SEPTIN10: variants seen among roughly 807,000 people sequenced by gnomAD.
The protein encoded by SEPTIN10 is septin-10.
SEPTIN10 carries 66 observed loss-of-function variants against 54.8 expected under a neutral mutation model. The ratio of observed to expected loss-of-function variants is 1.21; its 90% CI spans 0.99 to 1.48. The LOEUF is 1.48. Ranked by LOEUF, SEPTIN10 falls within the 40% of genes most tolerant of loss-of-function variation. SEPTIN10 has a pLI of 0.00. For synonymous variants in SEPTIN10, 161 were observed against 181.0 expected (o/e 0.89, Z 0.89); for missense variants, 620 against 545.6 (o/e 1.14, Z -1.36).
intron 8 of SEPTIN10, among the ~76,000 whole-genome samples, chr2:109,554,930 C>A (rs1684015510): frequency 6.6e-6 from 1 of 152,160 alleles, no homozygotes; most frequent in Non-Finnish European, 1.5e-5. Flanking sequence ...CTTACCCTAT[C>A]TCCCTATCTT....
intron 2 of SEPTIN10, among the ~76,000 whole-genome samples, chr2:109,587,913 C>CAA (rs59990177): frequency 3.0e-5 from 4 of 134,914 alleles, no homozygotes; most frequent in African/African-American, 1.1e-4. Context: ...ACTCCATCTC[C>CAA]AAAAAAAAAA....
chr2:109,582,853 G>C (rs1043177916), intron 4 of SEPTIN10, among the ~76,000 whole-genome samples: 1 of 152,292 alleles, frequency 6.6e-6, no homozygotes, highest in South Asian at 2.1e-4. Flanking sequence ...GAATAGAACA[G>C]AGAACCTAGA....
chr2:109,549,271 G>A (rs572843413), intron 9 of SEPTIN10, among the ~76,000 whole-genome samples: 63 of 152,310 alleles, frequency 4.1e-4, no homozygotes, highest in African/African-American at 1.4e-3. Context: ...CACATGACTA[G>A]AGATAGCTCT....
chr2:109,586,372 AGGAAACT>A (rs1692536388), intron 2 of SEPTIN10, among the ~76,000 whole-genome samples: 1 of 152,200 alleles, frequency 6.6e-6, no homozygotes, highest in African/African-American at 2.4e-5. Context: ...ACTTGAGGGA[AGGAAACT>A]TATCAGGTGA....
At chr2:109,551,792 T>G (rs1480206641) in intron 9 of SEPTIN10, among the ~76,000 whole-genome samples, 4 of 152,198 alleles carry the variant, frequency 2.6e-5, no homozygotes, top group African/African-American at 9.7e-5. Context: ...GATTACAGAT[T>G]AACTCTTCAA....
intron 8 of SEPTIN10, among the ~76,000 whole-genome samples, chr2:109,558,211 T>C (rs954952556): frequency 6.6e-6 from 1 of 152,212 alleles, no homozygotes; most frequent in Non-Finnish European, 1.5e-5. Context: ...AGAAAAGTCC[T>C]TTCCTTCAAT....
intron 4 of SEPTIN10, among the ~76,000 whole-genome samples, chr2:109,584,597 A>G (rs1210570862): frequency 1.3e-5 from 2 of 152,074 alleles, no homozygotes; most frequent in African/African-American, 4.8e-5. Context: ...TAGAATCTCT[A>G]CTCAATCTTT....
At chr2:109,593,140 CT>C in intron 1 of SEPTIN10, 21 bp from the exon 2 acceptor site, 1 of 1,555,876 alleles carries the variant, frequency 6.4e-7, no homozygotes, top group Non-Finnish European at 8.7e-7. Flanking sequence ...AATACAAAGG[CT>C]TAAAAGGAAA....
chr2:109,570,843 T>C (rs768017479), intron 5 of SEPTIN10, among the ~76,000 whole-genome samples: 9 of 152,170 alleles, frequency 5.9e-5, no homozygotes, highest in South Asian at 2.1e-4. Flanking sequence ...TTATAATGTG[T>C]AATCTAGAGA....
chr2:109,554,259 T>C (rs926493007), intron 8 of SEPTIN10, among the ~76,000 whole-genome samples: 5 of 152,204 alleles, frequency 3.3e-5, no homozygotes, highest in Non-Finnish European at 5.9e-5. Flanking sequence ...CCTACCACGA[T>C]GTAATTCAAA....
At chr2:109,545,495 C>T (rs72824784) in intron 10 of SEPTIN10, 50,598 of 1,536,130 alleles carry the variant, frequency 0.033, 965 homozygotes, top group Non-Finnish European at 0.038. Flanking sequence ...ATTGGTTTCA[C>T]AAGCTCTGAC....
intron 1 of SEPTIN10, among the ~76,000 whole-genome samples, chr2:109,599,519 C>A (rs1696143344): frequency 6.6e-6 from 1 of 151,500 alleles, no homozygotes; most frequent in Non-Finnish European, 1.5e-5. Flanking sequence ...GATAAGGCAG[C>A]AGCAAGTTGG....
chr2:109,575,140 T>C (rs1689380136), intron 4 of SEPTIN10, among the ~76,000 whole-genome samples: 1 of 152,234 alleles, frequency 6.6e-6, no homozygotes, highest in Non-Finnish European at 1.5e-5. Flanking sequence ...GTATTGAATT[T>C]ACACTGATTC....
chr2:109,546,266 T>C (rs1297931511), intron 9 of SEPTIN10, 29 bp from the exon 10 acceptor site: 15 of 1,463,872 alleles, frequency 1.0e-5, no homozygotes, highest in African/African-American at 1.4e-5. Flanking sequence ...TCCCCACTAC[T>C]GACACAGCGC....
chr2:109,545,687 A>G (rs1384664044), intron 10 of SEPTIN10: 1 of 1,464,194 alleles, frequency 6.8e-7, no homozygotes, highest in East Asian at 2.5e-5. Flanking sequence ...ATGAAATTCA[A>G]AATAACTCAT....
intron 1 of SEPTIN10, among the ~76,000 whole-genome samples, chr2:109,593,453 T>C (rs1694575126): frequency 7.1e-6 from 1 of 140,786 alleles, no homozygotes; most frequent in African/African-American, 2.7e-5. Context: ...TCACCCAGAC[T>C]GGAGTGCAAT....
At chr2:109,560,687 C>T (rs999656854) in intron 8 of SEPTIN10, among the ~76,000 whole-genome samples, 6 of 152,182 alleles carry the variant, frequency 3.9e-5, no homozygotes, top group Non-Finnish European at 7.3e-5. Flanking sequence ...ACTGTGACCT[C>T]CATTGTGCCT....
At chr2:109,548,736 A>AT (rs568197258) in intron 9 of SEPTIN10, among the ~76,000 whole-genome samples, 13 of 127,076 alleles carry the variant, frequency 1.0e-4, no homozygotes, top group Non-Finnish European at 2.1e-4. Flanking sequence ...AGATAGCGCC[A>AT]TTGCACTCCA....
chr2:109,587,144 A>G (rs1172811641), intron 2 of SEPTIN10, among the ~76,000 whole-genome samples: 1 of 152,208 alleles, frequency 6.6e-6, no homozygotes, highest in African/African-American at 2.4e-5. Flanking sequence ...AGATGGATAT[A>G]ATGGGTGGCA....
Sources: allele counts gnomAD v4.1 joint callset (sites outside exome capture counted in the v4.1 genomes callset), GRCh38; gene constraint gnomAD v4.1.1; transcripts MANE v1.5; gene names NCBI Gene and HGNC (gene_info 2026-07-23, HGNC 2026-07-21).